Variants in CDC20B observed in about 807,000 individuals in gnomAD.
CDC20B encodes the protein cell division cycle 20B.
In CDC20B, 58 loss-of-function variants were observed where a neutral mutation model predicts 64.1. That is an observed-to-expected ratio of 0.90 (90% CI 0.73 to 1.13). The LOEUF is 1.13. Among genes scored for constraint, CDC20B ranks in the 50% most tolerant of loss-of-function variants. CDC20B has a pLI of 0.00. For missense variants in CDC20B, 597 were observed against 633.0 expected, an observed-to-expected ratio of 0.94 and a Z score of 0.61; for synonymous variants, 243 against 230.6, an observed-to-expected ratio of 1.05 and a Z score of -0.49.
intron 2 of CDC20B, among the ~76,000 whole-genome samples, chr5:55,153,431 T>C (rs1207004625): frequency 6.6e-6 from 1 of 152,100 alleles, no homozygotes; most frequent in Non-Finnish European, 1.5e-5. Context: ...CCAATACTTG[T>C]TAGTGATCTA....
intron 2 of CDC20B, among the ~76,000 whole-genome samples, chr5:55,151,432 C>T (rs955542674): frequency 1.3e-5 from 2 of 152,148 alleles, no homozygotes; most frequent in Non-Finnish European, 2.9e-5. Flanking sequence ...GGAAGATAAA[C>T]TTAGTTTGCA....
At chr5:55,140,247 T>C in intron 5 of CDC20B, 67 bp downstream of exon 5, 1 of 844,420 alleles carries the variant, frequency 1.2e-6, no homozygotes, top group Non-Finnish European at 1.9e-6. Flanking sequence ...ATTTTAAGAT[T>C]AGGAAGAAAT....
At chr5:55,133,944 T>C (rs894027472) in intron 5 of CDC20B, among the ~76,000 whole-genome samples, 36 of 152,218 alleles carry the variant, frequency 2.4e-4, no homozygotes, top group African/African-American at 8.0e-4. Context: ...TCAATAAATA[T>C]TTATTGATTC....
intron 2 of CDC20B, chr5:55,164,397 A>G (rs556199725): frequency 1.5e-5 from 6 of 394,260 alleles, no homozygotes; most frequent in Admixed American, 8.8e-5. Flanking sequence ...TGTGGCAATG[A>G]AGGATTTTTT....
chr5:55,131,316 G>A (rs746598453), intron 6 of CDC20B, among the ~76,000 whole-genome samples: 3 of 152,120 alleles, frequency 2.0e-5, no homozygotes, highest in Non-Finnish European at 4.4e-5. Context: ...CTAGAAAAAT[G>A]ACGACAAAAC....
Position 55,113,150 on chromosome 5 carries a change from G to A in CDC20B, c.*1068C>T, listed in dbSNP as rs1267451307. On this transcript the variant is annotated 3_prime_UTR_variant, in exon 12 of 12. Transcript: ENST00000381375. Reference sequence around the variant, plus strand: ...GAGAGAGAAGCAAGAATTCAGATTAGAAGAAAAGCTCCAATAAGGCAAGAA... The same window carrying A: ...GAGAGAGAAGCAAGAATTCAGATTAAAAGAAAAGCTCCAATAAGGCAAGAA... The A allele has an allele frequency of 6.6e-6, 1 of 152,162 alleles. No homozygotes were observed. The highest frequency in any genetic ancestry group is 1.5e-5 in the Non-Finnish European group (1 of 68,042). 9.4% of individuals were successfully genotyped at this position (152,162 alleles called of 1,614,324 possible).
At chr5:55,118,060 A>G (rs1194424279) in intron 11 of CDC20B, among the ~76,000 whole-genome samples, 1 of 152,164 alleles carries the variant, frequency 6.6e-6, no homozygotes, top group African/African-American at 2.4e-5. Context: ...CGGAGGTTGC[A>G]GTGAGCCGAG....
At chr5:55,171,195 C>T (rs1311497196) in intron 2 of CDC20B, among the ~76,000 whole-genome samples, 1 of 152,136 alleles carries the variant, frequency 6.6e-6, no homozygotes, top group Non-Finnish European at 1.5e-5. Context: ...TGCCTGTAAT[C>T]CCAGCTACTC....
chr5:55,133,903 T>TA (rs1029975207), intron 5 of CDC20B, among the ~76,000 whole-genome samples: 3 of 152,204 alleles, frequency 2.0e-5, no homozygotes, highest in Non-Finnish European at 2.9e-5. Flanking sequence ...AAGACTTACC[T>TA]GGTACACCTA....
Position 55,115,259 on chromosome 5 carries a change from G to A in CDC20B, c.1460-941C>T, listed in dbSNP as rs530158240. 2.6e-5 allele frequency among the ~76,000 whole-genome samples: 4 copies of A among 152,228 alleles called. No homozygotes were observed. The South Asian group carries it at 8.3e-4, about 32-fold the overall frequency. Reference sequence around the variant, plus strand: ...TCTATGGCACAGTAGTCCTATGAGAGGTTAATAGGTATTAAAAACAAAAAG... The same window carrying A: ...TCTATGGCACAGTAGTCCTATGAGAAGTTAATAGGTATTAAAAACAAAAAG... On this transcript the variant is annotated intron_variant, in intron 11 of 11. Coordinates refer to ENST00000381375, the MANE Select transcript of CDC20B (RefSeq NM_001170402.1).
intron 2 of CDC20B, 71 bp downstream of exon 2, chr5:55,172,517 A>G: frequency 1.6e-6 from 2 of 1,231,750 alleles, no homozygotes; most frequent in Admixed American, 1.7e-5. Context: ...CTACAAATAC[A>G]TTATTTACCA....
chr5:55,120,028 G>T, intron 10 of CDC20B, 110 bp from the exon 11 acceptor site: 2 of 763,848 alleles, frequency 2.6e-6, no homozygotes, highest in Non-Finnish European at 4.4e-6. Context: ...CTCCAGTACA[G>T]CTGGGGTAGG....
chr5:55,163,820 T>G (rs1744224454), intron 2 of CDC20B, among the ~76,000 whole-genome samples: 2 of 149,824 alleles, frequency 1.3e-5, no homozygotes, highest in Admixed American at 1.3e-4. Context: ...TTTGCTTCAT[T>G]TCTTGATACT....
Position 55,145,813 on chromosome 5 carries a change from T to C in CDC20B, c.355+815A>G, listed in dbSNP as rs776959543. Among the ~76,000 whole-genome samples, 36 of 151,126 alleles carry C rather than the reference T, an allele frequency of 2.4e-4. 2 individuals are homozygous for C. Among genetic ancestry groups the C allele is most frequent in the Non-Finnish European group, 4.7e-4 (32 of 67,826 alleles). On this transcript the variant is annotated intron_variant, in intron 3 of 11. Coordinates refer to ENST00000381375, the MANE Select transcript of CDC20B (RefSeq NM_001170402.1). Reference sequence around the variant, plus strand: ...CTCCCCCCATCCATCCCCTCATCCCTCTCTCTTGCTTCCTTCCTCTTACTT... The same window carrying C: ...CTCCCCCCATCCATCCCCTCATCCCCCTCTCTTGCTTCCTTCCTCTTACTT...
rs149500494 is a variant in CDC20B, at chr5:55,172,711, T to C, written c.64-61A>G. 7 of 1,343,938 alleles carry C rather than the reference T, an allele frequency of 5.2e-6. No homozygotes were observed. In the African/African-American group the frequency reaches 1.0e-4, roughly 20 times the overall value. The allele number at this position is 1,343,938 out of a possible 1,614,324, so 83.3% of individuals were successfully genotyped here. A position where few individuals can be genotyped will look rare whatever the true frequency, so the allele number is the denominator to read the frequency against. On this transcript the variant is annotated intron_variant, in intron 1 of 11. Transcript: ENST00000381375. ...TATTTAGGAAAATCATAATTTCAGG[T>C]GTGGAATTTTTCTAGATCTTGTGCT...
At chr5:55,155,718 C>T (rs769808328) in intron 2 of CDC20B, among the ~76,000 whole-genome samples, 3 of 152,104 alleles carry the variant, frequency 2.0e-5, no homozygotes, top group East Asian at 1.9e-4. Context: ...AGCAGCTGCC[C>T]GCAGGGTCTA....
intron 3 of CDC20B, among the ~76,000 whole-genome samples, chr5:55,144,049 C>A (rs570270313): frequency 6.6e-6 from 1 of 151,482 alleles, no homozygotes; most frequent in African/African-American, 2.4e-5. Flanking sequence ...AGAAACAGTT[C>A]CATAGTTTTA....
rs1281410386 is a variant in CDC20B at position 55,161,136 on chromosome 5, C to T, written c.126+11452G>A. On this transcript the variant is annotated intron_variant, in intron 2 of 11. Transcript: ENST00000381375. ...TGCAATCAGTTTGGAGAATCGGAGC[C>T]CCGCCCAAGCAAGGAAGTAGAATCT... 1.2e-6 allele frequency: 2 copies of T among 1,614,130 alleles called. No individual in the cohort carries two copies. Among genetic ancestry groups the T allele is most frequent in the Non-Finnish European group, 1.7e-6 (2 of 1,180,032 alleles).
chr5:55,135,116 C>A (rs544910335), intron 5 of CDC20B, among the ~76,000 whole-genome samples: 1 of 151,972 alleles, frequency 6.6e-6, no homozygotes, highest in East Asian at 1.9e-4. Flanking sequence ...ATGTTGATAA[C>A]GGGGGAGGCT....
Sources: allele counts gnomAD v4.1 joint callset (sites outside exome capture counted in the v4.1 genomes callset), GRCh38; gene constraint gnomAD v4.1.1; transcripts MANE v1.5; gene names NCBI Gene and HGNC (gene_info 2026-07-23, HGNC 2026-07-21).